The following TRIP12 variants were observed in gnomAD, a reference collection of about 807,000 sequenced individuals.
TRIP12 encodes thyroid hormone receptor interactor 12, also known as E3 ubiquitin-protein ligase TRIP12.
Under a neutral mutation model 244.2 loss-of-function variants are expected in TRIP12, and 25 were observed. The ratio of observed to expected loss-of-function variants is 0.10; its 90% CI spans 0.07 to 0.14. The LOEUF (loss-of-function observed/expected upper bound fraction) is 0.14. TRIP12 is among the 10% of genes least tolerant of loss of function. TRIP12 has a pLI of 1.00. For synonymous variants in TRIP12, 905 were observed against 873.1 expected (o/e 1.04, Z -0.64); for missense variants, 1,677 against 2,486.4 (o/e 0.67, Z 6.92).
chr2:229,779,044 A>G, intron 34 of TRIP12, 54 bp from the exon 35 acceptor site: 1 of 1,437,112 alleles, frequency 7.0e-7, no homozygotes, highest in East Asian at 2.3e-5. Context: ...GTGTTTTTTT[A>G]CTGCCAACCT....
At chr2:229,841,368 T>TAA (rs1307780870) in intron 4 of TRIP12, among the ~76,000 whole-genome samples, 5 of 152,206 alleles carry the variant, frequency 3.3e-5, no homozygotes, top group African/African-American at 1.2e-4. Context: ...TATGAGAGAA[T>TAA]AAAATGAGTT....
At chr2:229,893,862 G>A (rs1385802440) in intron 1 of TRIP12, among the ~76,000 whole-genome samples, 1 of 152,162 alleles carries the variant, frequency 6.6e-6, no homozygotes, top group Non-Finnish European at 1.5e-5. Flanking sequence ...GTGCCGCCAT[G>A]CCTGGCTTTC....
chr2:229,863,160 C>T (rs1357411156), intron 2 of TRIP12, among the ~76,000 whole-genome samples: 1 of 148,570 alleles, frequency 6.7e-6, no homozygotes, highest in Admixed American at 6.8e-5. Flanking sequence ...ACCCAGGAGG[C>T]GGAGGTTGCA....
At chr2:229,887,987 C>A (rs1231351244) in intron 1 of TRIP12, among the ~76,000 whole-genome samples, 1 of 152,092 alleles carries the variant, frequency 6.6e-6, no homozygotes, top group Non-Finnish European at 1.5e-5. Context: ...TTCTAAAATT[C>A]TTTATTAAAT....
chr2:229,922,449 C>T (rs1000017238), upstream of TRIP12: 26 of 1,503,580 alleles, frequency 1.7e-5, no homozygotes, highest in African/African-American at 3.2e-4. Flanking sequence ...AGGGTTTTGG[C>T]CCCTTGACCC....
At chr2:229,881,616 A>C (rs2064895070) in intron 1 of TRIP12, among the ~76,000 whole-genome samples, 2 of 152,238 alleles carry the variant, frequency 1.3e-5, no homozygotes, top group Admixed American at 6.5e-5. Flanking sequence ...AATAAACTTT[A>C]ATTAGAAAGT....
intron 6 of TRIP12, among the ~76,000 whole-genome samples, chr2:229,834,071 A>C (rs2054135816): frequency 6.6e-6 from 1 of 152,264 alleles, no homozygotes; most frequent in Admixed American, 6.5e-5. Flanking sequence ...TGTGACTATC[A>C]GTAGATAAAA....
At position 229,811,136 on chromosome 2, in the gene TRIP12, C is replaced by T. The variant is rs748724504; in HGVS notation, c.2055G>A (p.Glu685=). 1.9e-6 allele frequency: 3 copies of T among 1,614,042 alleles called. No individual in the cohort carries two copies. The highest frequency in any genetic ancestry group is 1.7e-5 in the Admixed American group (1 of 60,016). ...ARLVDNFQHE[E]NLLQQVASKD... ...ATACTACCAAAGACTAAACACTTAC[C>T]TCCTCATGCTGGAAGTTGTCCACTA... Residue 685 remains glutamate (E), a splice_region_variant and synonymous_variant, in exon 14 of 42, where the codon GAG becomes GAA. Coordinates refer to ENST00000675903, the MANE Select transcript of TRIP12 (RefSeq NM_001348323.3).
chr2:229,777,509 T>C, intron 36 of TRIP12, 30 bp from the exon 37 acceptor site: 1 of 1,610,830 alleles, frequency 6.2e-7, no homozygotes, highest in South Asian at 1.1e-5. Context: ...ATATTTTCAC[T>C]GTCACACTGA....
intron 1 of TRIP12, among the ~76,000 whole-genome samples, chr2:229,909,089 CAAAA>C (rs11390500): frequency 9.0e-6 from 1 of 110,714 alleles, no homozygotes. Flanking sequence ...GACTCTGTCT[CAAAA>C]AAAAAAAAAA....
In TRIP12 at chr2:229,880,430, T is replaced by C. The variant is rs190728859; in HGVS notation, c.-49-302A>G. On this transcript the variant is annotated intron_variant, in intron 1 of 41. Coordinates refer to ENST00000675903, the MANE Select transcript of TRIP12 (RefSeq NM_001348323.3). ...AAAGAAAACAGAGCACAGGTAGAAA[T>C]ATGTCTTCGTTTCCCCATTCTAGTA... 2.6e-4 allele frequency among the ~76,000 whole-genome samples: 40 copies of C among 152,310 alleles called. No homozygotes were observed. The East Asian group carries it at 7.7e-3, about 29-fold the overall frequency.
In TRIP12 at chr2:229,864,047, A is replaced by AGAGAGAGAGAGAGAGAGAGAGAGTGT; in HGVS notation, c.99-3517_99-3516insACACTCTCTCTCTCTCTCTCTCTCTC. 7.6e-5 allele frequency among the ~76,000 whole-genome samples: 6 copies of AGAGAGAGAGAGAGAGAGAGAGAGTGT among 79,318 alleles called. No homozygotes were observed. The East Asian group carries it at 1.3e-3, about 17-fold the overall frequency. 52.0% of individuals were successfully genotyped at this position (79,318 alleles called of 152,430 possible). On this transcript the variant is annotated intron_variant, in intron 2 of 41. Transcript: ENST00000675903. The stretch of plus-strand genomic sequence containing the variant: ...GAGAGAGAGAGAGAGAGAGAGAGAG[A>AGAGAGAGAGAGAGAGAGAGAGAGTGT]GTGTGTGTGTGTGTGTGTGTGTGTG...
At chr2:229,879,360 A>T (rs1033613243) in intron 2 of TRIP12, among the ~76,000 whole-genome samples, 4 of 152,236 alleles carry the variant, frequency 2.6e-5, no homozygotes, top group African/African-American at 9.6e-5. Flanking sequence ...TTTTTACATG[A>T]AGTGACAGTC....
At position 229,765,453 on chromosome 2, in the gene TRIP12, G is replaced by C. The variant is rs1466866842; in HGVS notation, c.*2101C>G. 6.6e-6 allele frequency: 1 copy of C among 152,190 alleles called. No individual in the cohort carries two copies. The highest frequency in any genetic ancestry group is 1.5e-5 in the Non-Finnish European group (1 of 68,044). The allele number at this position is 152,190 out of a possible 1,614,324, so 9.4% of individuals were successfully genotyped here. ...GTATTGAAGGAGGAATAAGCTAAAG[G>C]CTGAGGCTTTTAAACAGGTAACGAC... On this transcript the variant is annotated 3_prime_UTR_variant, in exon 42 of 42. Transcript: ENST00000675903.
At position 229,789,711 on chromosome 2, in the gene TRIP12, G is replaced by C. The variant is rs532927215; in HGVS notation, c.4595C>G (p.Thr1532Arg). 3.1e-6 allele frequency: 5 copies of C among 1,614,078 alleles called. No individual in the cohort carries two copies. The African/African-American group carries it at 6.7e-5, about 22-fold the overall frequency. Reference protein sequence around the residue: ...SNPLEVYLIPTPPENITFEDP... With the variant: ...SNPLEVYLIPRPPENITFEDP... The stretch of plus-strand genomic sequence containing the variant: ...TTCAAATGTTATATTTTCAGGTGGT[G>C]TGGGAATGAGGTAAACTTCTAAAGG... Residue 1532 changes from threonine (T) to arginine (R), a missense_variant, in exon 31 of 42, where the codon ACA becomes AGA. Transcript: ENST00000675903.
chr2:229,872,643 A>G (rs1195322182), intron 2 of TRIP12, among the ~76,000 whole-genome samples: 4 of 152,230 alleles, frequency 2.6e-5, no homozygotes, highest in Admixed American at 2.6e-4. Flanking sequence ...AAATAATTCT[A>G]TCCTTAAAAA....
At chr2:229,888,210 T>C (rs1195450197) in intron 1 of TRIP12, among the ~76,000 whole-genome samples, 1 of 152,164 alleles carries the variant, frequency 6.6e-6, no homozygotes, top group Non-Finnish European at 1.5e-5. Flanking sequence ...GTGTTAATCA[T>C]ATAAAACCTG....
chr2:229,773,645 A>G (rs1039885300), intron 38 of TRIP12: 1 of 153,682 alleles, frequency 6.5e-6, no homozygotes, highest in African/African-American at 2.4e-5. Context: ...TCTGCCTCAC[A>G]AAGTGCTGGG....
At chr2:229,827,248 C>G (rs1306633936) in intron 8 of TRIP12, among the ~76,000 whole-genome samples, 1 of 151,032 alleles carries the variant, frequency 6.6e-6, no homozygotes, top group Non-Finnish European at 1.5e-5. Context: ...CCACTGCACT[C>G]CAGCCTGGGA....
Sources: gnomAD v4.1 joint callset for allele counts (sites outside exome capture counted in the v4.1 genomes callset) on GRCh38, gnomAD v4.1.1 for gene constraint, MANE v1.5 for transcripts, NCBI Gene and HGNC (gene_info 2026-07-23, HGNC 2026-07-21) for gene names.